Variants in CYTH3 observed in about 807,000 individuals in gnomAD.
CYTH3 encodes cytohesin 3.
In CYTH3, 23 loss-of-function variants were observed where a neutral mutation model predicts 55.1. The observed-to-expected ratio is 0.42, with a 90% CI of 0.30 to 0.59. The LOEUF is 0.59. Ranked by LOEUF, CYTH3 falls within the 20% of genes least tolerant of loss-of-function variation. The pLI is 0.20. For missense variants in CYTH3, 413 were observed against 524.8 expected (o/e 0.79, Z 2.08); for synonymous variants, 249 against 194.9 (o/e 1.28, Z -2.31).
chr7:6,202,112 A>C (rs879474218), intron 1 of CYTH3, among the ~76,000 whole-genome samples: 3 of 152,210 alleles, frequency 2.0e-5, no homozygotes, highest in Non-Finnish European at 2.9e-5. Context: ...CCTTTGACCA[A>C]GAGAAGATGG....
chr7:6,244,959 T>A (rs1469535858), intron 1 of CYTH3, among the ~76,000 whole-genome samples: 1 of 64,204 alleles, frequency 1.6e-5, no homozygotes, highest in African/African-American at 9.5e-5. Flanking sequence ...CGGCTAATTT[T>A]TTTTTTTTTT....
chr7:6,170,232 T>A lies in CYTH3; in HGVS notation c.823+303A>T, dbSNP rs956812782. On this transcript the variant is annotated intron_variant, in intron 9 of 12. Transcript: ENST00000350796. This position sits in a 1 kb window ranked among gnomAD's most constrained non-coding sequence, Gnocchi z 7.8. ...AGGCACACAGGCTCTGTGGAGATAATGCGCTTGCTTCTCGTGCAGGAAGCT... is the reference window on the plus strand; with the variant it reads ...AGGCACACAGGCTCTGTGGAGATAAAGCGCTTGCTTCTCGTGCAGGAAGCT... The A allele has an allele frequency of 5.1e-5, 20 of 390,892 alleles. No individual in the cohort carries two copies. Among genetic ancestry groups the A allele is most frequent in the Non-Finnish European group, 2.8e-5 (6 of 216,654 alleles). The allele number at this position is 390,892 out of a possible 1,614,324, so 24.2% of individuals were successfully genotyped here. A position where few individuals can be genotyped will look rare whatever the true frequency, so the allele number is the denominator to read the frequency against.
At chr7:6,193,477 G>C (rs1388600923) in intron 1 of CYTH3, among the ~76,000 whole-genome samples, 1 of 151,854 alleles carries the variant, frequency 6.6e-6, no homozygotes, top group East Asian at 1.9e-4. Context: ...AATGGAAACA[G>C]AAAGAACCGC....
rs555517900 is a variant in CYTH3, at chr7:6,178,345, C to T, written c.250-404G>A. ...GCCAACCTGGCCCCACTCCCAGGGA[C>T]GCAGCAAGCGGGTGGTGCTGGTCCC... On this transcript the variant is annotated intron_variant, in intron 4 of 12. Coordinates refer to ENST00000350796, the MANE Select transcript of CYTH3 (RefSeq NM_004227.4). Among the ~76,000 whole-genome samples the T allele has an allele frequency of 1.4e-4, 22 of 152,364 alleles. No individual in the cohort carries two copies. In the South Asian group the frequency reaches 3.7e-3, roughly 26 times the overall value.
At position 6,187,827 on chromosome 7, in the gene CYTH3, G is replaced by A. The variant is rs144609548; in HGVS notation, c.118-106C>T. On this transcript the variant is annotated intron_variant, in intron 2 of 12. Transcript: ENST00000350796. ...TGACAAGCTTCCCTGCGGTCTCACC[G>A]GAGCATCACAGGGATGGAAAAACCA... The A allele has an allele frequency of 3.8e-4, 340 of 899,750 alleles. No homozygotes were observed. The African/African-American group carries it at 4.8e-3, about 13-fold the overall frequency. 55.7% of individuals were successfully genotyped at this position (899,750 alleles called of 1,614,324 possible).
chr7:6,259,776 A>AT (rs1780262219), intron 1 of CYTH3, among the ~76,000 whole-genome samples: 1 of 19,842 alleles, frequency 5.0e-5, no homozygotes, highest in Non-Finnish European at 6.5e-5. Context: ...TATATATTAT[A>AT]TATATATAAT....
At chr7:6,257,886 C>G (rs1238374243) in intron 1 of CYTH3, among the ~76,000 whole-genome samples, 1 of 152,110 alleles carries the variant, frequency 6.6e-6, no homozygotes, top group African/African-American at 2.4e-5. Context: ...AATTCAGCAA[C>G]AGCACCATCT....
chr7:6,214,069 G>A (rs187633208), intron 1 of CYTH3, among the ~76,000 whole-genome samples: 3 of 152,102 alleles, frequency 2.0e-5, no homozygotes, highest in South Asian at 2.1e-4. Flanking sequence ...GCCCATCTTG[G>A]ACCACACAAA....
chr7:6,185,352 G>T (rs1295474680), intron 4 of CYTH3, among the ~76,000 whole-genome samples: 1 of 151,124 alleles, frequency 6.6e-6, no homozygotes, highest in Admixed American at 6.6e-5. Context: ...TTGGGAGGCT[G>T]AGGTGGGCAG....
At chr7:6,186,231 A>G (rs903924140) in intron 4 of CYTH3, among the ~76,000 whole-genome samples, 3 of 144,538 alleles carry the variant, frequency 2.1e-5, no homozygotes, top group East Asian at 2.1e-4. Flanking sequence ...GTGACAGAGC[A>G]AGACTCTATC....
rs1783136890 is a variant in CYTH3 at position 6,170,311 on chromosome 7, G to C, written c.823+224C>G. On this transcript the variant is annotated intron_variant, in intron 9 of 12. Transcript: ENST00000350796. This position sits in a 1 kb window ranked among gnomAD's most constrained non-coding sequence, Gnocchi z 7.8. ...GCAGTTTTCTGGGACGGGCCGTGCA[G>C]CCTGGGCGCTACTCTCTGCCGCGGG... is the stretch of plus-strand genomic sequence containing the variant. 1 of 555,878 alleles carries C rather than the reference G, an allele frequency of 1.8e-6. No homozygotes were observed. Among genetic ancestry groups the C allele is most frequent in the Non-Finnish European group, 3.2e-6 (1 of 315,718 alleles). 34.4% of individuals were successfully genotyped at this position (555,878 alleles called of 1,614,324 possible). A position where few individuals can be genotyped will look rare whatever the true frequency, so the allele number is the denominator to read the frequency against.
At chr7:6,264,480 C>T (rs537901785) in intron 1 of CYTH3, among the ~76,000 whole-genome samples, 7 of 152,082 alleles carry the variant, frequency 4.6e-5, no homozygotes, top group East Asian at 3.9e-4. Flanking sequence ...GGTGTGGTGG[C>T]GCCTGCCTGT....
intron 1 of CYTH3, among the ~76,000 whole-genome samples, chr7:6,251,381 G>C (rs1185992716): frequency 3.3e-5 from 5 of 149,750 alleles, no homozygotes; most frequent in Non-Finnish European, 5.9e-5. Context: ...AGAAGGAGGG[G>C]AGACATGTAG....
intron 1 of CYTH3, among the ~76,000 whole-genome samples, chr7:6,223,996 T>C (rs574343073): frequency 6.6e-6 from 1 of 152,248 alleles, no homozygotes; most frequent in East Asian, 1.9e-4. Flanking sequence ...TCCACATATA[T>C]AATCCTTACT....
intron 1 of CYTH3, among the ~76,000 whole-genome samples, chr7:6,191,872 T>C (rs549692244): frequency 6.6e-6 from 1 of 151,660 alleles, no homozygotes; most frequent in East Asian, 1.9e-4. Context: ...AGGCCAGGAG[T>C]TCGAGACCAG....
intron 1 of CYTH3, among the ~76,000 whole-genome samples, chr7:6,266,466 G>A (rs750280073): frequency 3.3e-5 from 5 of 152,128 alleles, no homozygotes; most frequent in African/African-American, 1.2e-4. Context: ...AGATTTCCCC[G>A]TTTAAAAATC....
Position 6,165,314 on chromosome 7 carries a change from G to T in CYTH3, c.1086C>A (p.Ala362=). 6.2e-7 allele frequency: 1 copy of T among 1,614,044 alleles called. No individual in the cohort carries two copies. Among genetic ancestry groups the T allele is most frequent in the Non-Finnish European group, 8.5e-7 (1 of 1,180,002 alleles). ...EGNHVVYRIS[A]PSPEEKEEWM... ...ACTCCTCCTTCTCCTCCGGGCTCGG[G>T]GCTGAGATCCGGTACACCACATGGT... The change falls in exon 12 of 13, where the codon GCC becomes GCA. Residue 362 remains alanine, a synonymous_variant. Transcript: ENST00000350796.
chr7:6,261,575 G>A (rs1047966896), intron 1 of CYTH3, among the ~76,000 whole-genome samples: 1 of 151,578 alleles, frequency 6.6e-6, no homozygotes, highest in African/African-American at 2.4e-5. Context: ...AATTAGCTGG[G>A]CATGGTGGCA....
intron 1 of CYTH3, among the ~76,000 whole-genome samples, chr7:6,248,228 C>G: frequency 6.7e-6 from 1 of 148,386 alleles, no homozygotes. Flanking sequence ...GACCCATCCT[C>G]CCCCAACCCC....
Sources: allele counts gnomAD v4.1 joint callset (sites outside exome capture counted in the v4.1 genomes callset), GRCh38; gene constraint gnomAD v4.1.1; non-coding constraint Gnocchi (gnomAD v3.1); transcripts MANE v1.5; gene names NCBI Gene and HGNC (gene_info 2026-07-23, HGNC 2026-07-21).